Variants in GINS1 observed in about 807,000 individuals in gnomAD.
GINS1 encodes the protein GINS complex subunit 1, also known as DNA replication complex GINS protein PSF1.
In GINS1, 26 loss-of-function variants were observed where a neutral mutation model predicts 34.9. The observed-to-expected ratio is 0.74, with a 90% CI of 0.55 to 1.03. The LOEUF (loss-of-function observed/expected upper bound fraction) is 1.03. Ranked by LOEUF, GINS1 falls within the 50% of genes least tolerant of loss-of-function variation. The pLI is 0.00. For synonymous variants in GINS1, 97 were observed against 84.4 expected, an observed-to-expected ratio of 1.15 and a Z score of -0.82; for missense variants, 235 against 237.9, an observed-to-expected ratio of 0.99 and a Z score of 0.08.
At chr20:25,429,050 G>T (rs1378275752) in intron 5 of GINS1, among the ~76,000 whole-genome samples, 1 of 133,462 alleles carries the variant, frequency 7.5e-6, no homozygotes, top group East Asian at 2.4e-4. Context: ...GTACAGTGGT[G>T]CACTCTTGGC....
intron 5 of GINS1, among the ~76,000 whole-genome samples, chr20:25,425,714 AAAAT>A (rs1210272214): frequency 6.6e-6 from 1 of 152,166 alleles, no homozygotes; most frequent in African/African-American, 2.4e-5. Flanking sequence ...AAGTTAAATC[AAAAT>A]GGAAAATCAA....
chr20:25,442,489 G>A (rs2090487630), intron 6 of GINS1, among the ~76,000 whole-genome samples: 1 of 151,746 alleles, frequency 6.6e-6, no homozygotes, highest in Non-Finnish European at 1.5e-5. Flanking sequence ...TAAAGTGCGA[G>A]GATTACAGGT....
chr20:25,425,248 CT>C lies in GINS1; in HGVS notation c.370del (p.Tyr124IlefsTer2). On this transcript the variant is annotated frameshift_variant, in exon 5 of 7. Coordinates refer to ENST00000262460, the MANE Select transcript of GINS1 (RefSeq NM_021067.5). LOFTEE classifies it high-confidence loss of function. ...AATAATTATAAAAGATCTCTTGCTACTTATATGAGGTCACTGGGAGGAGATG... is the reference window on the plus strand; with the variant it reads ...AATAATTATAAAAGATCTCTTGCTACTATATGAGGTCACTGGGAGGAGATG... ...WFNNYKRSLATYMRSLGGDEG... is the reference protein window; with the variant it reads ...WFNNYKRSLAXYMRSLGGDEG... The C allele has an allele frequency of 6.4e-7, 1 of 1,554,314 alleles. No individual in the cohort carries two copies. Among genetic ancestry groups the C allele is most frequent in the Non-Finnish European group, 8.9e-7 (1 of 1,126,212 alleles).
At chr20:25,425,441 T>C in intron 5 of GINS1, 114 bp downstream of exon 5, 1 of 541,568 alleles carries the variant, frequency 1.8e-6, no homozygotes, top group South Asian at 3.1e-5. Context: ...AAAAGAAGCA[T>C]AGACCAAATC....
Position 25,448,333 on chromosome 20 carries a change from T to C in GINS1, c.*2342T>C, listed in dbSNP as rs571209347. On this transcript the variant is annotated 3_prime_UTR_variant, in exon 7 of 7. Coordinates refer to ENST00000262460, the MANE Select transcript of GINS1 (RefSeq NM_021067.5). Reference sequence around the variant, plus strand: ...TGTCTTCTATTTCTCTTAATAATCTTTTGTAGTTTTCAGTGTACAGGTCTA... The same window carrying C: ...TGTCTTCTATTTCTCTTAATAATCTCTTGTAGTTTTCAGTGTACAGGTCTA... The C allele has an allele frequency of 6.6e-6, 1 of 152,324 alleles. No homozygotes were observed. Among genetic ancestry groups the C allele is most frequent in the African/African-American group, 2.4e-5 (1 of 41,570 alleles). The allele number at this position is 152,324 out of a possible 1,614,324, so 9.4% of individuals were successfully genotyped here. A position where few individuals can be genotyped will look rare whatever the true frequency, so the allele number is the denominator to read the frequency against.
chr20:25,439,564 A>T (rs2090471477), intron 5 of GINS1, among the ~76,000 whole-genome samples: 2 of 152,200 alleles, frequency 1.3e-5, no homozygotes, highest in African/African-American at 4.8e-5. Context: ...CCTATAGATT[A>T]AAAGAGACTT....
chr20:25,418,752 A>G (rs1281035890), intron 4 of GINS1, among the ~76,000 whole-genome samples: 2 of 152,186 alleles, frequency 1.3e-5, no homozygotes, highest in African/African-American at 2.4e-5. Flanking sequence ...TCAACTAAGG[A>G]AGCTCACACA....
chr20:25,428,969 C>CTTTTTTTTTTTT (rs77113924), intron 5 of GINS1, among the ~76,000 whole-genome samples: 10 of 127,514 alleles, frequency 7.8e-5, no homozygotes, highest in Non-Finnish European at 1.2e-4. Flanking sequence ...ATTCCTCTCT[C>CTTTTTTTTTTTT]TTTTTTTTTT....
intron 5 of GINS1, among the ~76,000 whole-genome samples, chr20:25,435,260 G>A (rs2090447842): frequency 6.6e-6 from 1 of 152,090 alleles, no homozygotes; most frequent in Non-Finnish European, 1.5e-5. Context: ...TCTTATTGAG[G>A]ATCCCAGGTA....
intron 4 of GINS1, chr20:25,420,919 C>G: frequency 1.0e-6 from 1 of 981,724 alleles, no homozygotes; most frequent in South Asian, 4.7e-5. Flanking sequence ...CCACAGACAT[C>G]TCTGCTTGAG....
chr20:25,431,523 T>C (rs1815402872), intron 5 of GINS1, among the ~76,000 whole-genome samples: 1 of 151,812 alleles, frequency 6.6e-6, no homozygotes, highest in South Asian at 2.1e-4. Context: ...TCTTTCGTTT[T>C]TGTTTTTGTT....
At position 25,425,159 on chromosome 20, in the gene GINS1, T is replaced by C. The variant is rs542652799; in HGVS notation, c.331-52T>C. The C allele has an allele frequency of 1.8e-5, 14 of 786,960 alleles. No individual in the cohort carries two copies. In the East Asian group the frequency reaches 2.9e-4, roughly 16 times the overall value. The allele number at this position is 786,960 out of a possible 1,614,324, so 48.7% of individuals were successfully genotyped here. A position where few individuals can be genotyped will look rare whatever the true frequency, so the allele number is the denominator to read the frequency against. On this transcript the variant is annotated intron_variant, in intron 4 of 6. Coordinates refer to ENST00000262460, the MANE Select transcript of GINS1 (RefSeq NM_021067.5). ...CTGTTTTCGAATGGATGATATTCAG[T>C]GTGTGCAAGTTTTCTTAGAATTTTG... is the stretch of plus-strand genomic sequence containing the variant.
rs1247657386 is a variant in GINS1 at position 25,446,811 on chromosome 20, GA to G, written c.*822del. On this transcript the variant is annotated 3_prime_UTR_variant, in exon 7 of 7. Coordinates refer to ENST00000262460, the MANE Select transcript of GINS1 (RefSeq NM_021067.5). The stretch of plus-strand genomic sequence containing the variant: ...ATTCAGATTGACTGAAAAGTCACAT[GA>G]AGAGTTGATTGTCTTTTAATGGTAT... 6.6e-6 allele frequency: 1 copy of G among 152,200 alleles called. No individual in the cohort carries two copies. Among genetic ancestry groups the G allele is most frequent in the Non-Finnish European group, 1.5e-5 (1 of 68,038 alleles). 9.4% of individuals were successfully genotyped at this position (152,200 alleles called of 1,614,324 possible). A position where few individuals can be genotyped will look rare whatever the true frequency, so the allele number is the denominator to read the frequency against.
At chr20:25,422,445 GCTAAGTGTGGTGGCATGCGCCTGTGGTC>G (rs1311081137) in intron 4 of GINS1, among the ~76,000 whole-genome samples, 10 of 151,876 alleles carry the variant, frequency 6.6e-5, no homozygotes, top group Admixed American at 6.6e-4. Flanking sequence ...AAAAAACTTA[GCTAAGTGTGGTGGCATGCGCCTGTGGTC>G]CCAGCTACTC....
At chr20:25,445,259 A>G (rs1373288334) in intron 6 of GINS1, among the ~76,000 whole-genome samples, 2 of 152,062 alleles carry the variant, frequency 1.3e-5, no homozygotes, top group African/African-American at 4.8e-5. Flanking sequence ...CAATGGCACA[A>G]TCTCGGCTCA....
chr20:25,442,613 T>TTA, intron 6 of GINS1, among the ~76,000 whole-genome samples: 1 of 56,216 alleles, frequency 1.8e-5, no homozygotes, highest in Admixed American at 1.5e-4. Context: ...TATTATTATT[T>TTA]TTTTTTTTTT....
At chr20:25,435,774 A>C (rs1310201740) in intron 5 of GINS1, among the ~76,000 whole-genome samples, 1 of 122,494 alleles carries the variant, frequency 8.2e-6, no homozygotes, top group Non-Finnish European at 1.7e-5. Flanking sequence ...CAAAAAAAAA[A>C]AAAAAAAAAA....
At chr20:25,438,472 C>T (rs900286340) in intron 5 of GINS1, among the ~76,000 whole-genome samples, 1 of 145,016 alleles carries the variant, frequency 6.9e-6, no homozygotes, top group African/African-American at 2.6e-5. Context: ...ACATCAATTA[C>T]GTTAGAAGTA....
chr20:25,427,071 A>C (rs1600932240), intron 5 of GINS1, among the ~76,000 whole-genome samples: 1 of 152,138 alleles, frequency 6.6e-6, no homozygotes, highest in Non-Finnish European at 1.5e-5. Flanking sequence ...GAATTGTCAT[A>C]CTGCTTTCCA....
Sources: allele counts gnomAD v4.1 joint callset (sites outside exome capture counted in the v4.1 genomes callset), GRCh38; gene constraint gnomAD v4.1.1; transcripts MANE v1.5; gene names NCBI Gene and HGNC (gene_info 2026-07-23, HGNC 2026-07-21).